Variants in PIK3AP1 observed in about 807,000 individuals in gnomAD.
PIK3AP1 encodes the protein phosphoinositide-3-kinase adaptor protein 1.
PIK3AP1 carries 21 observed loss-of-function variants against 88.1 expected under a neutral mutation model. That is an observed-to-expected ratio of 0.24 (90% CI 0.17 to 0.34). PIK3AP1 has a LOEUF of 0.34. Ranked by LOEUF, PIK3AP1 falls within the 10% of genes least tolerant of loss-of-function variation. The probability of loss-of-function intolerance (pLI) is 1.00; values close to 1 mark genes in which losing one functional copy is unlikely to be tolerated. For synonymous variants in PIK3AP1, 398 were observed against 400.0 expected, an observed-to-expected ratio of 1.00 and a Z score of 0.06; for missense variants, 828 against 1,035.7, an observed-to-expected ratio of 0.80 and a Z score of 2.75.
At chr10:96,708,286 A>G (rs555209691) in intron 2 of PIK3AP1, among the ~76,000 whole-genome samples, 2 of 152,052 alleles carry the variant, frequency 1.3e-5, no homozygotes, top group African/African-American at 2.4e-5. Context: ...AATAGAAAAC[A>G]AAAAGAGGCT....
At chr10:96,645,955 CA>C (rs1372633500) in intron 7 of PIK3AP1, among the ~76,000 whole-genome samples, 1 of 152,134 alleles carries the variant, frequency 6.6e-6, no homozygotes, top group Non-Finnish European at 1.5e-5. Flanking sequence ...CCAGAGGATA[CA>C]AATTAAAAAT....
chr10:96,697,294 C>T (rs1291255750), intron 2 of PIK3AP1, among the ~76,000 whole-genome samples: 1 of 152,162 alleles, frequency 6.6e-6, no homozygotes, highest in Non-Finnish European at 1.5e-5. Context: ...TCACATCACC[C>T]TAATGAAGCT....
intron 3 of PIK3AP1, 69 bp from the exon 4 acceptor site, chr10:96,652,911 C>A: frequency 6.6e-7 from 1 of 1,526,500 alleles, no homozygotes; most frequent in East Asian, 2.3e-5. Context: ...GCCCAAGGGT[C>A]TCCCCAGCTC....
intron 2 of PIK3AP1, among the ~76,000 whole-genome samples, chr10:96,684,894 G>A (rs1844049292): frequency 6.6e-6 from 1 of 152,148 alleles, no homozygotes; most frequent in African/African-American, 2.4e-5. Context: ...TGAGGATAAG[G>A]ATAAAATCCT....
In PIK3AP1 at chr10:96,594,364, T is replaced by G. The variant is rs921921836; in HGVS notation, c.*1213A>C. Reference sequence around the variant, plus strand: ...CCTCCTGTATGCTTTAAATCATTTCTAGATTTCTTATAATATCTAATACAA... The same window carrying G: ...CCTCCTGTATGCTTTAAATCATTTCGAGATTTCTTATAATATCTAATACAA... On this transcript the variant is annotated 3_prime_UTR_variant, in exon 17 of 17. Transcript: ENST00000339364. This position sits in a 1 kb window ranked among gnomAD's most constrained non-coding sequence, Gnocchi z 4.6. 3 of 152,278 alleles carry G rather than the reference T, an allele frequency of 2.0e-5. No individual in the cohort carries two copies. The highest frequency in any genetic ancestry group is 2.9e-5 in the Non-Finnish European group (2 of 68,050). The allele number at this position is 152,278 out of a possible 1,614,324, so 9.4% of individuals were successfully genotyped here.
intron 3 of PIK3AP1, among the ~76,000 whole-genome samples, chr10:96,654,423 G>A (rs1246992240): frequency 1.3e-5 from 2 of 152,170 alleles, no homozygotes; most frequent in African/African-American, 4.8e-5. Context: ...ATGAGAGGGT[G>A]TGGCAAGCTT....
At chr10:96,611,019 A>C (rs1028472203) in intron 13 of PIK3AP1, among the ~76,000 whole-genome samples, 2 of 152,192 alleles carry the variant, frequency 1.3e-5, no homozygotes, top group African/African-American at 4.8e-5. Flanking sequence ...CAGGCGTGGC[A>C]GGAAGTTCAG....
intron 8 of PIK3AP1, among the ~76,000 whole-genome samples, chr10:96,629,217 G>A (rs535245666): frequency 3.3e-5 from 5 of 152,082 alleles, no homozygotes; most frequent in African/African-American, 1.2e-4. Context: ...GTATGATATT[G>A]TTTATATAAG....
At chr10:96,707,972 G>C (rs1844386583) in intron 2 of PIK3AP1, among the ~76,000 whole-genome samples, 1 of 152,142 alleles carries the variant, frequency 6.6e-6, no homozygotes, top group South Asian at 2.1e-4. Context: ...ATCTTACTTT[G>C]TTAAAAGACG....
intron 2 of PIK3AP1, among the ~76,000 whole-genome samples, chr10:96,704,178 C>T (rs532779418): frequency 6.6e-6 from 1 of 152,308 alleles, no homozygotes; most frequent in South Asian, 2.1e-4. Flanking sequence ...AGGAGCTCTA[C>T]CCTGAAGTCT....
chr10:96,703,143 G>C (rs990726743), intron 2 of PIK3AP1, among the ~76,000 whole-genome samples: 1 of 152,152 alleles, frequency 6.6e-6, no homozygotes, highest in African/African-American at 2.4e-5. Flanking sequence ...CTCCCAAACT[G>C]TTAGAATTAC....
chr10:96,660,531 TCTC>T (rs2134242577), intron 2 of PIK3AP1, among the ~76,000 whole-genome samples: 1 of 152,316 alleles, frequency 6.6e-6, no homozygotes, highest in African/African-American at 2.4e-5. Flanking sequence ...CCGAGGTTCT[TCTC>T]CTTTTCTGGT....
chr10:96,682,401 C>T (rs1356103087), intron 2 of PIK3AP1, among the ~76,000 whole-genome samples: 1 of 152,146 alleles, frequency 6.6e-6, no homozygotes, highest in Non-Finnish European at 1.5e-5. Flanking sequence ...GCTCCTTTCC[C>T]ACATGCCAAA....
chr10:96,623,440 C>G (rs764547778), intron 11 of PIK3AP1, 32 bp downstream of exon 11: 16 of 1,564,486 alleles, frequency 1.0e-5, no homozygotes, highest in Non-Finnish European at 1.8e-6. Flanking sequence ...TTCAACCACA[C>G]AAAAGTTCAG....
At chr10:96,600,316 G>A (rs928628766) in intron 16 of PIK3AP1, among the ~76,000 whole-genome samples, 2 of 152,122 alleles carry the variant, frequency 1.3e-5, no homozygotes, top group Non-Finnish European at 2.9e-5. Flanking sequence ...TATGTTTAAC[G>A]GAATACCTGC....
At position 96,651,297 on chromosome 10, in the gene PIK3AP1, T is replaced by G; in HGVS notation, c.939A>C (p.Gly313=). The G allele has an allele frequency of 6.2e-7, 1 of 1,614,194 alleles. No individual in the cohort carries two copies. The highest frequency in any genetic ancestry group is 8.5e-7 in the Non-Finnish European group (1 of 1,180,034). Residue 313 remains glycine (G), a synonymous_variant, in exon 6 of 17, where the codon GGA becomes GGC. Coordinates refer to ENST00000339364, the MANE Select transcript of PIK3AP1 (RefSeq NM_152309.3). ...ESLKNNIPAS[G]LHLFGINQLE... ...GCTGGTTGATTCCAAAGAGGTGCAG[T>G]CCGCTTGCAGGGATATTGTTCTTCA...
At chr10:96,643,988 G>A (rs10882838) in intron 8 of PIK3AP1, among the ~76,000 whole-genome samples, 144,052 of 152,330 alleles carry the variant, frequency 0.95, 68,584 homozygotes, top group East Asian at 1. Flanking sequence ...TTAGCATTTG[G>A]TAGCGAATGA....
Position 96,595,359 on chromosome 10 carries a change from C to A in PIK3AP1, c.*218G>T. 1 of 571,144 alleles carries A rather than the reference C, an allele frequency of 1.8e-6. No individual in the cohort carries two copies. The highest frequency in any genetic ancestry group is 3.1e-6 in the Non-Finnish European group (1 of 318,244). 35.4% of individuals were successfully genotyped at this position (571,144 alleles called of 1,614,324 possible). On this transcript the variant is annotated 3_prime_UTR_variant, in exon 17 of 17. Coordinates refer to ENST00000339364, the MANE Select transcript of PIK3AP1 (RefSeq NM_152309.3). ...GCAAACAAGTATATGGTTCGATATA[C>A]TTGGTGATGGTGAATGAAGCCCTTA...
chr10:96,661,364 G>A (rs1843683593), intron 2 of PIK3AP1, among the ~76,000 whole-genome samples: 2 of 152,122 alleles, frequency 1.3e-5, no homozygotes, highest in South Asian at 4.1e-4. Context: ...TATACTGGTG[G>A]GTGCATGTTA....
Sources: allele counts gnomAD v4.1 joint callset (sites outside exome capture counted in the v4.1 genomes callset), GRCh38; gene constraint gnomAD v4.1.1; non-coding constraint Gnocchi (gnomAD v3.1); transcripts MANE v1.5; gene names NCBI Gene and HGNC (gene_info 2026-07-23, HGNC 2026-07-21).